Variants in SLC35F1 observed in about 807,000 individuals in gnomAD.
The protein encoded by SLC35F1 is solute carrier family 35 member F1.
SLC35F1 carries 14 observed loss-of-function variants against 48.7 expected under a neutral mutation model. That is an observed-to-expected ratio of 0.29 (90% CI 0.19 to 0.45). The LOEUF is 0.45. Ranked by LOEUF, SLC35F1 falls within the 20% of genes least tolerant of loss-of-function variation. The pLI is 1.00. For synonymous variants in SLC35F1, 190 were observed against 202.2 expected (o/e 0.94, Z 0.51); for missense variants, 404 against 500.0 (o/e 0.81, Z 1.83).
In SLC35F1 at chr6:117,907,827, G is replaced by A; in HGVS notation, c.101G>A (p.Ser34Asn). The change falls in exon 1 of 8, where the codon AGC becomes AAC. Residue 34 changes from serine (S) to asparagine (N), a missense_variant. Ser to Asn is a conservative substitution (Grantham distance 46). Coordinates refer to ENST00000360388, the MANE Select transcript of SLC35F1 (RefSeq NM_001029858.4). ...ATCGAGAACCTGCCGGCCGAGGGCA[G>A]CGGCGGCGGCGGGAGCCTGTCCGCC... ...TTIENLPAEG[S>N]GGGGSLSASS... 1 of 1,533,804 alleles carries A rather than the reference G, an allele frequency of 6.5e-7. No individual in the cohort carries two copies. The highest frequency in any genetic ancestry group is 1.9e-5 in the Admixed American group (1 of 51,468).
chr6:118,047,785 T>A (rs1772321774), intron 1 of SLC35F1, among the ~76,000 whole-genome samples: 2 of 152,166 alleles, frequency 1.3e-5, no homozygotes, highest in African/African-American at 2.4e-5. Flanking sequence ...TTGGGCCTGT[T>A]GGGGCGCATG....
chr6:118,180,928 C>G (rs1159728612), intron 2 of SLC35F1, among the ~76,000 whole-genome samples: 1 of 151,822 alleles, frequency 6.6e-6, no homozygotes, highest in East Asian at 1.9e-4. Flanking sequence ...ACTGCAGAAC[C>G]CTAAGGAGAC....
chr6:118,200,083 C>G (rs556695980), intron 2 of SLC35F1, among the ~76,000 whole-genome samples: 32 of 151,954 alleles, frequency 2.1e-4, no homozygotes, highest in African/African-American at 7.2e-4. Context: ...ACCAAATTGC[C>G]CTTCAGAGAG....
intron 3 of SLC35F1, among the ~76,000 whole-genome samples, chr6:118,249,065 GT>G (rs1775541392): frequency 6.6e-6 from 1 of 152,190 alleles, no homozygotes; most frequent in Non-Finnish European, 1.5e-5. Flanking sequence ...AGAATCTGCT[GT>G]CTAAGTCTTT....
At chr6:117,966,488 C>T (rs963967069) in intron 1 of SLC35F1, among the ~76,000 whole-genome samples, 10 of 152,178 alleles carry the variant, frequency 6.6e-5, no homozygotes, top group Admixed American at 6.5e-4. Context: ...GTAACACTCA[C>T]TGTGAAGGTC....
At chr6:118,293,422 C>G (rs1776148307) in intron 7 of SLC35F1, among the ~76,000 whole-genome samples, 1 of 152,168 alleles carries the variant, frequency 6.6e-6, no homozygotes, top group African/African-American at 2.4e-5. Flanking sequence ...AAATCAGACT[C>G]TGCCATGCCT....
chr6:117,930,890 A>G (rs1361546552), intron 1 of SLC35F1, among the ~76,000 whole-genome samples: 1 of 152,202 alleles, frequency 6.6e-6, no homozygotes, highest in Non-Finnish European at 1.5e-5. Flanking sequence ...AGAGTTCTCC[A>G]GTGTAATTTC....
At chr6:118,039,872 C>CAT (rs34299087) in intron 1 of SLC35F1, among the ~76,000 whole-genome samples, 35,150 of 139,670 alleles carry the variant, frequency 0.25, 4,676 homozygotes, top group African/African-American at 0.36. Context: ...ATGCTGGACA[C>CAT]TAAATGTTAT....
At position 117,971,613 on chromosome 6, in the gene SLC35F1, C is replaced by G. The variant is rs148861114; in HGVS notation, c.173+63714C>G. Among the ~76,000 whole-genome samples, 190 of 152,390 alleles carry G rather than the reference C, an allele frequency of 1.2e-3. 1 individual carries two copies. The highest frequency in any genetic ancestry group is 4.4e-3 in the African/African-American group (184 of 41,600). ...GCCTGGACATCCAGTCATTTCCATA[C>G]ATCCTCTGAAATCTAAGTGAAGGTT... On this transcript the variant is annotated intron_variant, in intron 1 of 7. Transcript: ENST00000360388.
chr6:118,009,347 T>A (rs544161208), intron 1 of SLC35F1, among the ~76,000 whole-genome samples: 3 of 152,332 alleles, frequency 2.0e-5, no homozygotes, highest in East Asian at 3.9e-4. Flanking sequence ...GGCAGTTCAC[T>A]GTGGAATCAA....
chr6:118,141,673 T>C (rs1387374664), intron 1 of SLC35F1, among the ~76,000 whole-genome samples: 2 of 152,142 alleles, frequency 1.3e-5, no homozygotes, highest in Admixed American at 6.5e-5. Context: ...TCCATCCTCA[T>C]GACCTAATCA....
At chr6:117,966,946 C>A (rs560708347) in intron 1 of SLC35F1, among the ~76,000 whole-genome samples, 1 of 152,234 alleles carries the variant, frequency 6.6e-6, no homozygotes, top group South Asian at 2.1e-4. Context: ...TGTTTCCTGG[C>A]CCCAAGTGTC....
At chr6:118,222,709 T>G (rs2114565402) in intron 2 of SLC35F1, among the ~76,000 whole-genome samples, 1 of 152,352 alleles carries the variant, frequency 6.6e-6, no homozygotes, top group South Asian at 2.1e-4. Context: ...TGATTGTTGT[T>G]GTTGCTGTTA....
chr6:118,216,712 T>A (rs925509475), intron 2 of SLC35F1, among the ~76,000 whole-genome samples: 1 of 152,194 alleles, frequency 6.6e-6, no homozygotes. Context: ...GACTTCAAAA[T>A]GCTAAACATA....
At chr6:117,910,982 A>G (rs535030600) in intron 1 of SLC35F1, among the ~76,000 whole-genome samples, 29 of 152,332 alleles carry the variant, frequency 1.9e-4, no homozygotes, top group South Asian at 1.7e-3. Flanking sequence ...TCTTAATAAA[A>G]TCTGCCTTAC....
At chr6:118,148,583 A>G (rs1774009762) in intron 1 of SLC35F1, among the ~76,000 whole-genome samples, 1 of 152,186 alleles carries the variant, frequency 6.6e-6, no homozygotes, top group African/African-American at 2.4e-5. Context: ...TTGTCTAGTC[A>G]TTCTGAGTTT....
chr6:118,157,049 A>C (rs1192958786), intron 2 of SLC35F1, among the ~76,000 whole-genome samples: 1 of 152,242 alleles, frequency 6.6e-6, no homozygotes, highest in East Asian at 1.9e-4. Context: ...GCCACTATGT[A>C]TGTAAATTAT....
At chr6:117,977,201 CTT>C (rs35727493) in intron 1 of SLC35F1, among the ~76,000 whole-genome samples, 1 of 143,370 alleles carries the variant, frequency 7.0e-6, no homozygotes, top group African/African-American at 2.6e-5. Flanking sequence ...TTCTTTCTTT[CTT>C]TTTTTTTTTT....
At chr6:118,205,059 C>T (rs1024343842) in intron 2 of SLC35F1, among the ~76,000 whole-genome samples, 14 of 152,216 alleles carry the variant, frequency 9.2e-5, no homozygotes, top group Non-Finnish European at 1.9e-4. Context: ...GCTCCTGCAA[C>T]ATCCAGGAGG....
Sources: gnomAD v4.1 joint callset for allele counts (sites outside exome capture counted in the v4.1 genomes callset) on GRCh38, gnomAD v4.1.1 for gene constraint, MANE v1.5 for transcripts, NCBI Gene and HGNC (gene_info 2026-07-23, HGNC 2026-07-21) for gene names.